Variants in FRMD5 observed in about 807,000 individuals in gnomAD.
The protein encoded by FRMD5 is FERM domain-containing protein 5.
Under a neutral mutation model 69.0 loss-of-function variants are expected in FRMD5, and 20 were observed. That is an observed-to-expected ratio of 0.29 (90% CI 0.20 to 0.42). The LOEUF (loss-of-function observed/expected upper bound fraction) is 0.42. Among genes scored for constraint, FRMD5 ranks in the 10% least tolerant of loss-of-function variants. The probability of loss-of-function intolerance (pLI) is 1.00; values close to 1 mark genes in which losing one functional copy is unlikely to be tolerated. For missense variants in FRMD5, 595 were observed against 708.6 expected, an observed-to-expected ratio of 0.84 and a Z score of 1.82; for synonymous variants, 271 against 260.1, an observed-to-expected ratio of 1.04 and a Z score of -0.40.
At chr15:44,050,607 T>C (rs1018834492) in intron 1 of FRMD5, among the ~76,000 whole-genome samples, 4 of 146,468 alleles carry the variant, frequency 2.7e-5, no homozygotes, top group African/African-American at 1.0e-4. Context: ...TGGGTTCAAG[T>C]GATCCTCATG....
At chr15:43,883,133 T>C (rs552842328) in intron 13 of FRMD5, among the ~76,000 whole-genome samples, 1 of 151,136 alleles carries the variant, frequency 6.6e-6, no homozygotes, top group Non-Finnish European at 1.5e-5. Flanking sequence ...TTGGACAGTC[T>C]CCTTTACCCA....
intron 1 of FRMD5, among the ~76,000 whole-genome samples, chr15:43,964,479 T>TCAAA (rs994658709): frequency 8.6e-4 from 126 of 146,800 alleles, no homozygotes; most frequent in East Asian, 2.3e-3. Context: ...AGACCCTGTT[T>TCAAA]CAAACAAACA....
At chr15:43,902,625 G>A (rs1384402551) in intron 6 of FRMD5, among the ~76,000 whole-genome samples, 1 of 150,074 alleles carries the variant, frequency 6.7e-6, no homozygotes. Flanking sequence ...AGGAGTGCGA[G>A]GTTTCAGTGA....
chr15:44,145,404 G>A (rs931229067), intron 1 of FRMD5, among the ~76,000 whole-genome samples: 1 of 152,078 alleles, frequency 6.6e-6, no homozygotes, highest in Non-Finnish European at 1.5e-5. Flanking sequence ...TATTTGAACA[G>A]TTGTTTCATA....
At chr15:43,988,969 A>C (rs1889532316) in intron 1 of FRMD5, 1 of 647,618 alleles carries the variant, frequency 1.5e-6, no homozygotes, top group Non-Finnish European at 2.9e-6. Flanking sequence ...AAAACAAAAT[A>C]AAAAAAACAA....
chr15:43,901,595 A>G (rs920716973), intron 7 of FRMD5, among the ~76,000 whole-genome samples: 5 of 152,296 alleles, frequency 3.3e-5, no homozygotes, highest in Middle Eastern at 3.4e-3. Flanking sequence ...GGAAGGGGCC[A>G]TGGGTCTGCA....
At chr15:44,147,123 T>C (rs1349440384) in intron 1 of FRMD5, among the ~76,000 whole-genome samples, 1 of 152,178 alleles carries the variant, frequency 6.6e-6, no homozygotes, top group Non-Finnish European at 1.5e-5. Flanking sequence ...TAGTTTTGAG[T>C]TTTACATTTA....
chr15:43,959,871 C>G (rs1383045206), intron 1 of FRMD5, among the ~76,000 whole-genome samples: 1 of 152,114 alleles, frequency 6.6e-6, no homozygotes, highest in East Asian at 1.9e-4. Flanking sequence ...ACTGAAAGGG[C>G]AAGTTATTTG....
chr15:44,148,513 C>T (rs1265252085), intron 1 of FRMD5, among the ~76,000 whole-genome samples: 7 of 152,086 alleles, frequency 4.6e-5, no homozygotes, highest in African/African-American at 1.2e-4. Context: ...CCTCATGATC[C>T]GCCCGCCTCG....
At chr15:43,937,548 G>A (rs1260398288) in intron 1 of FRMD5, among the ~76,000 whole-genome samples, 2 of 151,178 alleles carry the variant, frequency 1.3e-5, no homozygotes, top group Non-Finnish European at 1.5e-5. Context: ...TGAGGCAGGA[G>A]AATCGCTTGA....
chr15:43,995,122 A>ATTT lies in FRMD5; in HGVS notation c.103-70814_103-70813insAAA, dbSNP rs564508106. 2.0e-3 allele frequency among the ~76,000 whole-genome samples: 312 copies of ATTT among 152,340 alleles called. 1 individual carries two copies. The highest frequency in any genetic ancestry group is 7.1e-3 in the African/African-American group (295 of 41,574). On this transcript the variant is annotated intron_variant, in intron 1 of 13. Transcript: ENST00000417257. ...AAATCCACAGATGCTCAAGTCCCTTATATAAAACAATATAGTATTTGCATA... is the reference window on the plus strand; with the variant it reads ...AAATCCACAGATGCTCAAGTCCCTTATTTTATAAAACAATATAGTATTTGCATA...
chr15:43,924,953 T>C (rs1329835855), intron 1 of FRMD5, among the ~76,000 whole-genome samples: 1 of 151,636 alleles, frequency 6.6e-6, no homozygotes, highest in Non-Finnish European at 1.5e-5. Context: ...GGCCACCCTG[T>C]GCCCCAGTTC....
chr15:44,025,996 G>T (rs1333447051), intron 1 of FRMD5, among the ~76,000 whole-genome samples: 7 of 152,136 alleles, frequency 4.6e-5, no homozygotes, highest in Non-Finnish European at 8.8e-5. Flanking sequence ...GGGGCAGGGT[G>T]GGGCAGAGTC....
intron 1 of FRMD5, among the ~76,000 whole-genome samples, chr15:44,163,504 G>T (rs1436740057): frequency 6.6e-6 from 1 of 152,102 alleles, no homozygotes; most frequent in Non-Finnish European, 1.5e-5. Flanking sequence ...TCATTACATT[G>T]TTTTGATAAC....
At chr15:44,120,841 T>G (rs935606252) in intron 1 of FRMD5, among the ~76,000 whole-genome samples, 11 of 152,048 alleles carry the variant, frequency 7.2e-5, no homozygotes, top group African/African-American at 2.7e-4. Flanking sequence ...AAGAGTGGAT[T>G]TTGAAGATGA....
chr15:44,108,511 G>A (rs1454988923), intron 1 of FRMD5, among the ~76,000 whole-genome samples: 3 of 152,022 alleles, frequency 2.0e-5, no homozygotes, highest in Admixed American at 6.6e-5. Context: ...GAGCGTGGTG[G>A]GTGCATGCCT....
chr15:44,148,546 C>T (rs1168832225), intron 1 of FRMD5, among the ~76,000 whole-genome samples: 1 of 152,208 alleles, frequency 6.6e-6, no homozygotes, highest in African/African-American at 2.4e-5. Flanking sequence ...GCTGGGATTA[C>T]AGGCGTGAGC....
intron 1 of FRMD5, among the ~76,000 whole-genome samples, chr15:44,005,887 C>A (rs1018705170): frequency 3.3e-5 from 5 of 152,172 alleles, no homozygotes; most frequent in African/African-American, 1.2e-4. Flanking sequence ...ATATCACCAT[C>A]TCCATAACAT....
chr15:44,194,212 G>A (rs1291909150), intron 1 of FRMD5: 4 of 152,256 alleles, frequency 2.6e-5, no homozygotes, highest in African/African-American at 9.7e-5. Flanking sequence ...TGAAAGAAAT[G>A]CTGTTGAGCA....
Sources: allele counts gnomAD v4.1 joint callset (sites outside exome capture counted in the v4.1 genomes callset), GRCh38; gene constraint gnomAD v4.1.1; transcripts MANE v1.5; gene names NCBI Gene and HGNC (gene_info 2026-07-23, HGNC 2026-07-21).